Variants in CACNA2D3 observed in about 807,000 individuals in gnomAD.
CACNA2D3 encodes calcium voltage-gated channel auxiliary subunit alpha2delta 3.
Under a neutral mutation model 160.6 loss-of-function variants are expected in CACNA2D3, and 60 were observed. The ratio of observed to expected loss-of-function variants is 0.37; its 90% CI spans 0.30 to 0.46. The LOEUF (loss-of-function observed/expected upper bound fraction) is 0.46, where lower values mean the gene tolerates loss of function less well. CACNA2D3 is among the 20% of genes least tolerant of loss of function. The probability of loss-of-function intolerance (pLI) is 1.00; values close to 1 mark genes in which losing one functional copy is unlikely to be tolerated. For synonymous variants in CACNA2D3, 558 were observed against 492.9 expected (o/e 1.13, Z -1.75); for missense variants, 1,205 against 1,365.0 (o/e 0.88, Z 1.85).
chr3:54,787,858 A>G (rs191036476), intron 13 of CACNA2D3, among the ~76,000 whole-genome samples: 157 of 152,318 alleles, frequency 1.0e-3, no homozygotes, highest in Non-Finnish European at 2.1e-3. Context: ...TTTGTGTCCA[A>G]ATTTTAGGCA....
chr3:55,049,368 G>A (rs1242082898), intron 35 of CACNA2D3, among the ~76,000 whole-genome samples: 1 of 140,558 alleles, frequency 7.1e-6, no homozygotes, highest in African/African-American at 2.9e-5. Flanking sequence ...GTACCCAGTA[G>A]TCATTCAGGA....
chr3:54,390,546 A>G (rs34170683), intron 4 of CACNA2D3, among the ~76,000 whole-genome samples: 16,486 of 152,240 alleles, frequency 0.11, 1,068 homozygotes, highest in African/African-American at 0.17. Context: ...TACTCTGTCA[A>G]TATGACAATG....
chr3:55,055,590 A>G (rs976489555), intron 35 of CACNA2D3, among the ~76,000 whole-genome samples: 3 of 152,130 alleles, frequency 2.0e-5, no homozygotes, highest in African/African-American at 4.8e-5. Flanking sequence ...GGAAAATGAA[A>G]TTGGAATTTT....
chr3:54,716,526 A>T (rs1001737300), intron 11 of CACNA2D3, among the ~76,000 whole-genome samples: 2 of 152,198 alleles, frequency 1.3e-5, no homozygotes, highest in South Asian at 4.1e-4. Flanking sequence ...TGCACTTTAC[A>T]TAAGGGAAAA....
intron 3 of CACNA2D3, among the ~76,000 whole-genome samples, chr3:54,371,420 G>T (rs564159245): frequency 6.6e-6 from 1 of 152,104 alleles, no homozygotes; most frequent in South Asian, 2.1e-4. Context: ...GTCTTCCATT[G>T]TTACTTTTTT....
At chr3:54,417,961 A>G (rs909316563) in intron 4 of CACNA2D3, among the ~76,000 whole-genome samples, 6 of 152,066 alleles carry the variant, frequency 3.9e-5, no homozygotes, top group Non-Finnish European at 8.8e-5. Context: ...TAATTTTTAC[A>G]TTTGTAATAG....
intron 13 of CACNA2D3, among the ~76,000 whole-genome samples, chr3:54,777,090 T>C (rs1231823054): frequency 6.6e-6 from 1 of 152,214 alleles, no homozygotes; most frequent in East Asian, 1.9e-4. Flanking sequence ...TGATATCAGC[T>C]GCCAGTTTCT....
intron 11 of CACNA2D3, among the ~76,000 whole-genome samples, chr3:54,663,054 T>G (rs1021738288): frequency 1.3e-5 from 2 of 152,052 alleles, no homozygotes; most frequent in Non-Finnish European, 2.9e-5. Flanking sequence ...ATAAAATTAT[T>G]GAGGAGAAAG....
intron 11 of CACNA2D3, among the ~76,000 whole-genome samples, chr3:54,692,685 A>T (rs1700591323): frequency 6.6e-6 from 1 of 152,178 alleles, no homozygotes; most frequent in Non-Finnish European, 1.5e-5. Flanking sequence ...AGCAAAATGG[A>T]TCCCCACCCA....
At chr3:54,841,396 C>T (rs1302158278) in intron 16 of CACNA2D3, among the ~76,000 whole-genome samples, 3 of 152,194 alleles carry the variant, frequency 2.0e-5, no homozygotes, top group Admixed American at 1.3e-4. Flanking sequence ...GTGTTTTGTG[C>T]TTTTCCAAGG....
intron 5 of CACNA2D3, among the ~76,000 whole-genome samples, chr3:54,524,990 T>C (rs1441466266): frequency 6.6e-6 from 1 of 152,094 alleles, no homozygotes; most frequent in Non-Finnish European, 1.5e-5. Context: ...AATTCACATT[T>C]ATTATTAAGT....
chr3:54,452,222 C>A (rs777992652), intron 4 of CACNA2D3, among the ~76,000 whole-genome samples: 1 of 152,122 alleles, frequency 6.6e-6, no homozygotes, highest in African/African-American at 2.4e-5. Flanking sequence ...AAAGGAGAAA[C>A]AAAGGAACAT....
intron 35 of CACNA2D3, among the ~76,000 whole-genome samples, chr3:55,022,929 T>C (rs1214941426): frequency 6.6e-6 from 1 of 152,084 alleles, no homozygotes; most frequent in Non-Finnish European, 1.5e-5. Context: ...ACTATTACTA[T>C]TGCTGCTGCC....
intron 9 of CACNA2D3, among the ~76,000 whole-genome samples, chr3:54,610,139 T>C (rs1017129489): frequency 4.6e-5 from 7 of 152,262 alleles, no homozygotes; most frequent in African/African-American, 1.7e-4. Flanking sequence ...ATAAAAACGC[T>C]AGATTAGGGG....
At chr3:54,568,642 A>G (rs1223642920) in intron 6 of CACNA2D3, among the ~76,000 whole-genome samples, 18 of 152,302 alleles carry the variant, frequency 1.2e-4, no homozygotes, top group Admixed American at 1.0e-3. Flanking sequence ...GTGCAACATC[A>G]TATTAGTTGT....
chr3:54,425,127 C>T (rs949526235), intron 4 of CACNA2D3, among the ~76,000 whole-genome samples: 1 of 152,142 alleles, frequency 6.6e-6, no homozygotes, highest in Non-Finnish European at 1.5e-5. Context: ...GTCAGGAGTT[C>T]GAGACCAGCC....
chr3:54,549,819 A>T (rs1217320538), intron 5 of CACNA2D3, among the ~76,000 whole-genome samples: 2 of 152,242 alleles, frequency 1.3e-5, no homozygotes, highest in African/African-American at 4.8e-5. Flanking sequence ...AATATCAATA[A>T]AAAGCTGATA....
rs1266491295 is a variant in CACNA2D3 at position 54,503,651 on chromosome 3, A to C, written c.541A>C (p.Lys181Gln). The change falls in exon 5 of 38, where the codon AAA becomes CAA. Residue 181 changes from lysine (K) to glutamine (Q), a missense_variant. Coordinates refer to ENST00000474759, the MANE Select transcript of CACNA2D3 (RefSeq NM_018398.3). ...DVQVPTNMYN[K>Q]DPAIVNGVYW... Reference sequence around the variant, plus strand: ...CCAAGTACCAACGAACATGTACAACAAAGGTAAGACTCCCAGCCACTGCTC... The same window carrying C: ...CCAAGTACCAACGAACATGTACAACCAAGGTAAGACTCCCAGCCACTGCTC... 1 of 1,613,510 alleles carries C rather than the reference A, an allele frequency of 6.2e-7. No homozygotes were observed. Among genetic ancestry groups the C allele is most frequent in the Admixed American group, 1.7e-5 (1 of 59,958 alleles).
At chr3:54,432,555 C>T (rs949989329) in intron 4 of CACNA2D3, among the ~76,000 whole-genome samples, 1 of 152,140 alleles carries the variant, frequency 6.6e-6, no homozygotes, top group Non-Finnish European at 1.5e-5. Context: ...GTACTGACAT[C>T]GCATTCTAAG....
Sources: gnomAD v4.1 joint callset for allele counts (sites outside exome capture counted in the v4.1 genomes callset) on GRCh38, gnomAD v4.1.1 for gene constraint, MANE v1.5 for transcripts, NCBI Gene and HGNC (gene_info 2026-07-23, HGNC 2026-07-21) for gene names.